SSBP4: variants seen among roughly 807,000 people sequenced by gnomAD.
SSBP4 encodes the protein single-stranded DNA-binding protein 4.
SSBP4 carries 33 observed loss-of-function variants against 64.6 expected under a neutral mutation model. The ratio of observed to expected loss-of-function variants is 0.51; its 90% CI spans 0.39 to 0.68. SSBP4 has a LOEUF of 0.68. SSBP4 is among the 30% of genes least tolerant of loss of function. SSBP4 has a pLI of 0.00. For synonymous variants in SSBP4, 243 were observed against 224.0 expected (o/e 1.08, Z -0.76); for missense variants, 583 against 566.8 (o/e 1.03, Z -0.29).
rs1973695831 is a variant in SSBP4 at position 18,433,633 on chromosome 19, G to T, written c.1020+20G>T. The T allele has an allele frequency of 6.9e-7, 1 of 1,448,260 alleles. No homozygotes were observed. Among genetic ancestry groups the T allele is most frequent in the Non-Finnish European group, 9.1e-7 (1 of 1,103,094 alleles). 89.7% of individuals were successfully genotyped at this position (1,448,260 alleles called of 1,614,324 possible). On this transcript the variant is annotated intron_variant, in intron 16 of 17. Transcript: ENST00000270061. Reference sequence around the variant, plus strand: ...CCGAAGGTAAGGAGGCTGCGCTCTTGCCGGGGGTGGGATCCGGGGGGGGTG... The same window carrying T: ...CCGAAGGTAAGGAGGCTGCGCTCTTTCCGGGGGTGGGATCCGGGGGGGGTG...
In SSBP4 at chr19:18,433,751, C is replaced by G. The variant is rs1329457180; in HGVS notation, c.1062C>G (p.Gly354=). The G allele has an allele frequency of 7.0e-7, 1 of 1,438,322 alleles. No homozygotes were observed. The highest frequency in any genetic ancestry group is 1.4e-5 in the South Asian group (1 of 72,438). The allele number at this position is 1,438,322 out of a possible 1,614,324, so 89.1% of individuals were successfully genotyped here. A position where few individuals can be genotyped will look rare whatever the true frequency, so the allele number is the denominator to read the frequency against. The part of the protein sequence containing the change: ...GAVAGLSNAP[G]TPRDDGEMAA... Reference sequence around the variant, plus strand: ...TGGCCGGCCTGAGCAACGCCCCGGGCACCCCGCGGGACGACGGCGAGATGG... The same window carrying G: ...TGGCCGGCCTGAGCAACGCCCCGGGGACCCCGCGGGACGACGGCGAGATGG... Residue 354 remains glycine (G), a synonymous_variant, in exon 17 of 18, where the codon GGC becomes GGG. Transcript: ENST00000270061.
Position 18,432,863 on chromosome 19 carries a change from C to A in SSBP4, c.821C>A (p.Pro274His), listed in dbSNP as rs1408631207. 6.2e-7 allele frequency: 1 copy of A among 1,614,002 alleles called. No individual in the cohort carries two copies. Among genetic ancestry groups the A allele is most frequent in the Non-Finnish European group, 8.5e-7 (1 of 1,179,984 alleles). The change falls in exon 13 of 18, where the codon CCC becomes CAC. Residue 274 changes from proline (P) to histidine (H), a missense_variant. By Grantham distance (77) the Pro-to-His change is moderately conservative. Transcript: ENST00000270061. ...GGAGGAGGTGGGCCCCCTGGAACAC[C>A]CATCATGCCTAGCCCTGGAGGTATG... ...PPGGGGPPGT[P>H]IMPSPGDSTN...
chr19:18,427,298 G>T lies in SSBP4; in HGVS notation c.60-53G>T, dbSNP rs978264962. 1 of 1,587,212 alleles carries T rather than the reference G, an allele frequency of 6.3e-7. No individual in the cohort carries two copies. Among genetic ancestry groups the T allele is most frequent in the Non-Finnish European group, 8.6e-7 (1 of 1,167,538 alleles). ...TCCTGAGAGATGGAGGGGCTTTGGG[G>T]TGGGCCCTTGCCTTGGAGAGTCTGA... On this transcript the variant is annotated intron_variant, in intron 1 of 17. Transcript: ENST00000270061. This position sits in a 1 kb window ranked among gnomAD's most constrained non-coding sequence, Gnocchi z 4.4.
At chr19:18,404,891 CAA>C in the SSBP4 span, among the ~76,000 whole-genome samples, 3 of 44,568 alleles carry the variant, frequency 6.7e-5, no homozygotes, top group Non-Finnish European at 1.2e-4. Context: ...GACTCCATCT[CAA>C]AAAAAAAAAA....
Position 18,433,015 on chromosome 19 carries a change from C to G in SSBP4, c.884C>G (p.Pro295Arg). Reference sequence around the variant, plus strand: ...GAAAACATGTACACTATCATGAACCCCATCGGGCAGGGCGCCGGCAGGGCT... The same window carrying G: ...GAAAACATGTACACTATCATGAACCGCATCGGGCAGGGCGCCGGCAGGGCT... The part of the protein sequence containing the change: ...SSENMYTIMN[P>R]IGQGAGRANF... Residue 295 changes from proline to arginine, a missense_variant, in exon 14 of 18, where the codon CCC becomes CGC. By Grantham distance (103) the Pro-to-Arg change is moderately radical. This residue lies in a region of SSBP4 where 444 missense variants were observed against 386.6 expected (regional missense o/e 1.15). Coordinates refer to ENST00000270061, the MANE Select transcript of SSBP4 (RefSeq NM_032627.5). 1 of 1,614,174 alleles carries G rather than the reference C, an allele frequency of 6.2e-7. No individual in the cohort carries two copies. The highest frequency in any genetic ancestry group is 8.5e-7 in the Non-Finnish European group (1 of 1,180,032).
intron 10 of SSBP4, 82 bp from the exon 11 acceptor site, chr19:18,432,477 G>A (rs2144798683): frequency 1.0e-5 from 15 of 1,504,232 alleles, no homozygotes; most frequent in Non-Finnish European, 1.3e-5. Context: ...GGATACAGTG[G>A]AGCAGGGTGT....
intron 12 of SSBP4, 23 bp from the exon 13 acceptor site, chr19:18,432,806 C>G: frequency 2.5e-6 from 4 of 1,613,818 alleles, no homozygotes; most frequent in Non-Finnish European, 3.4e-6. Context: ...CCATTTCTCA[C>G]GGTTCCTGTC....
upstream of SSBP4, chr19:18,419,033 A>G: frequency 1.0e-6 from 1 of 985,604 alleles, no homozygotes; most frequent in African/African-American, 1.7e-5. Context: ...TTATGGGGCT[A>G]TCCGCAGTCG....
At chr19:18,432,409 C>T (rs1186630134) in intron 10 of SSBP4, 150 bp from the exon 11 acceptor site, 2 of 1,323,040 alleles carry the variant, frequency 1.5e-6, no homozygotes, top group Non-Finnish European at 2.1e-6. Flanking sequence ...GGATTGGAAC[C>T]TGGCAGCTCA....
Position 18,431,372 on chromosome 19 carries a change from C to A in SSBP4, c.389C>A (p.Pro130Gln). 1.5e-6 allele frequency: 2 copies of A among 1,321,612 alleles called. No homozygotes were observed. Among genetic ancestry groups the A allele is most frequent in the Non-Finnish European group, 2.1e-6 (2 of 958,896 alleles). The allele number at this position is 1,321,612 out of a possible 1,614,324, so 81.9% of individuals were successfully genotyped here. Reference protein sequence around the residue: ...GFFQGPPGSQPSPHNPNAPMM... With the variant: ...GFFQGPPGSQQSPHNPNAPMM... ...TCCTAGGGCCCCCCCGGCTCCCAGC[C>A]GTCCCCCCACAACCCCAACGCCCCC... Residue 130 changes from proline (P) to glutamine (Q), a missense_variant, in exon 6 of 18, where the codon CCG becomes CAG. Pro to Gln is a moderately conservative substitution (Grantham distance 76). Transcript: ENST00000270061.
upstream of SSBP4, among the ~76,000 whole-genome samples, chr19:18,418,081 A>G (rs1972197863): frequency 1.3e-5 from 2 of 152,156 alleles, no homozygotes; most frequent in South Asian, 4.1e-4. The surrounding 1 kb of genome is among the most constrained non-coding windows in gnomAD (Gnocchi z 6.7). Context: ...ACACTTGTGC[A>G]CGCAACCTCA....
rs916688758 is a variant in SSBP4 at position 18,427,956 on chromosome 19, G to A, written c.253G>A (p.Gly85Ser). Residue 85 changes from glycine to serine, a missense_variant, in exon 4 of 18, where the codon GGC becomes AGC. Physicochemically the swap from Gly to Ser is moderately conservative, Grantham distance 56. Coordinates refer to ENST00000270061, the MANE Select transcript of SSBP4 (RefSeq NM_032627.5). The surrounding 1 kb of genome is among the most constrained non-coding windows in gnomAD (Gnocchi z 4.4). ...PDRREACEHS[G>S]EAKAFQDYSA... Reference sequence around the variant, plus strand: ...CAGAAGAGAGGCCTGCGAGCACTCCGGCGAGGCCAAGGCCTTCCAGGACTA... The same window carrying A: ...CAGAAGAGAGGCCTGCGAGCACTCCAGCGAGGCCAAGGCCTTCCAGGACTA... 1.2e-5 allele frequency: 19 copies of A among 1,612,882 alleles called. No homozygotes were observed. The highest frequency in any genetic ancestry group is 1.6e-4 in the Middle Eastern group (1 of 6,082).
chr19:18,410,401 G>A, the SSBP4 span, among the ~76,000 whole-genome samples: 1 of 151,882 alleles, frequency 6.6e-6, no homozygotes, highest in Non-Finnish European at 1.5e-5. Context: ...CAAAGTGCTG[G>A]GATTACAGGC....
chr19:18,415,229 G>A (rs1257175569), upstream of SSBP4, among the ~76,000 whole-genome samples: 1 of 152,200 alleles, frequency 6.6e-6, no homozygotes, highest in Non-Finnish European at 1.5e-5. Context: ...AGCTGTGGCC[G>A]CCTCCCACGC....
chr19:18,415,408 A>G (rs1288996624), upstream of SSBP4, among the ~76,000 whole-genome samples: 2 of 152,194 alleles, frequency 1.3e-5, no homozygotes, highest in South Asian at 2.1e-4. Context: ...AATGGGGAGT[A>G]CTCGTGGGCC....
chr19:18,418,364 C>T (rs1035830752), upstream of SSBP4, among the ~76,000 whole-genome samples: 1 of 152,262 alleles, frequency 6.6e-6, no homozygotes, highest in South Asian at 2.1e-4. The surrounding 1 kb of genome is among the most constrained non-coding windows in gnomAD (Gnocchi z 6.7). Flanking sequence ...GGTACCCGGG[C>T]ATCCCTGCCC....
chr19:18,428,051 T>TGGG, intron 4 of SSBP4, 69 bp downstream of exon 4: 17 of 496,502 alleles, frequency 3.4e-5, no homozygotes, highest in East Asian at 9.1e-5. Context: ...GCTGGGGAGG[T>TGGG]GGGGTGGGGG....
intron 1 of SSBP4, among the ~76,000 whole-genome samples, chr19:18,422,352 C>T (rs774225756): frequency 2.6e-5 from 4 of 152,092 alleles, no homozygotes; most frequent in Non-Finnish European, 4.4e-5. Context: ...ACACTGGCCT[C>T]GGGACTCAAG....
At chr19:18,414,740 T>A (rs1972118202), upstream of SSBP4, among the ~76,000 whole-genome samples, 2 of 152,274 alleles carry the variant, frequency 1.3e-5, no homozygotes, top group African/African-American at 4.8e-5. Context: ...AGAGGCTTCT[T>A]GGCCAGGCCC....
Sources: allele counts gnomAD v4.1 joint callset (sites outside exome capture counted in the v4.1 genomes callset), GRCh38; gene constraint gnomAD v4.1.1; regional missense constraint gnomAD v4.1.1; non-coding constraint Gnocchi (gnomAD v3.1); transcripts MANE v1.5; gene names NCBI Gene and HGNC (gene_info 2026-07-23, HGNC 2026-07-21).